Variants in SCN2A observed in about 807,000 individuals in gnomAD.
The protein encoded by SCN2A is sodium voltage-gated channel alpha subunit 2.
Under a neutral mutation model 188.7 loss-of-function variants are expected in SCN2A, and 20 were observed. That is an observed-to-expected ratio of 0.11 (90% confidence interval 0.07 to 0.15). The LOEUF (loss-of-function observed/expected upper bound fraction) is 0.15. SCN2A is among the 10% of genes least tolerant of loss of function. SCN2A has a pLI of 1.00. For synonymous variants in SCN2A, 804 were observed against 833.1 expected (o/e 0.97, Z 0.60); for missense variants, 1,278 against 2,445.0 (o/e 0.52, Z 10.07).
At chr2:165,383,616 A>G (rs1701717237) in intron 25 of SCN2A, among the ~76,000 whole-genome samples, 1 of 152,174 alleles carries the variant, frequency 6.6e-6, no homozygotes, top group African/African-American at 2.4e-5. Flanking sequence ...TACATTGTAG[A>G]CTTGTTTTGG....
At chr2:165,309,322 T>C (rs1697307151) in intron 5 of SCN2A, 30 bp from the exon 6 acceptor site, 2 of 1,613,484 alleles carry the variant, frequency 1.2e-6, no homozygotes, top group African/African-American at 2.7e-5. Flanking sequence ...TGTTCTGTCA[T>C]TGTGTTTGTG....
At chr2:165,251,700 C>T (rs1694101527) in intron 1 of SCN2A, among the ~76,000 whole-genome samples, 1 of 152,050 alleles carries the variant, frequency 6.6e-6, no homozygotes, top group Non-Finnish European at 1.5e-5. Flanking sequence ...GTGCACTCTG[C>T]TTTGTTTCTT....
chr2:165,341,709 G>GTT, intron 14 of SCN2A, among the ~76,000 whole-genome samples: 1 of 152,064 alleles, frequency 6.6e-6, no homozygotes, highest in Admixed American at 6.6e-5. Flanking sequence ...CAGATGGGAA[G>GTT]GCATAAGCAA....
intron 16 of SCN2A, among the ~76,000 whole-genome samples, chr2:165,349,017 A>C (rs995464403): frequency 5.3e-5 from 8 of 152,264 alleles, no homozygotes; most frequent in Non-Finnish European, 1.2e-4. Context: ...TCAAGCTACT[A>C]TAATCCCCAA....
chr2:165,265,854 C>T (rs1364374023), intron 1 of SCN2A, among the ~76,000 whole-genome samples: 2 of 150,374 alleles, frequency 1.3e-5, no homozygotes, highest in East Asian at 2.0e-4. Context: ...TGGGGTCTAA[C>T]TCTATCACCC....
At chr2:165,350,756 A>G (rs1241966495) in intron 16 of SCN2A, among the ~76,000 whole-genome samples, 1 of 151,456 alleles carries the variant, frequency 6.6e-6, no homozygotes, top group Admixed American at 6.6e-5. Flanking sequence ...GGCGTGAGCC[A>G]CCGCGCCCGG....
chr2:165,331,748 G>T (rs936887477), intron 14 of SCN2A, among the ~76,000 whole-genome samples, 180 bp downstream of exon 14: 1 of 152,076 alleles, frequency 6.6e-6, no homozygotes, highest in South Asian at 2.1e-4. Flanking sequence ...AAGAGTCAAA[G>T]AATTTATGTA....
At chr2:165,311,051 G>T (rs72874305) in intron 7 of SCN2A, among the ~76,000 whole-genome samples, 4,640 of 152,100 alleles carry the variant, frequency 0.031, 122 homozygotes, top group Middle Eastern at 0.051. Context: ...TTATCAAGAT[G>T]AAATAAGAAT....
At chr2:165,249,011 A>T (rs1488800224) in intron 1 of SCN2A, among the ~76,000 whole-genome samples, 1 of 152,126 alleles carries the variant, frequency 6.6e-6, no homozygotes, top group Non-Finnish European at 1.5e-5. Context: ...CAAACCTTAA[A>T]TGACAGTAAA....
At chr2:165,255,408 A>G (rs1304932242) in intron 1 of SCN2A, among the ~76,000 whole-genome samples, 1 of 152,154 alleles carries the variant, frequency 6.6e-6, no homozygotes, top group Non-Finnish European at 1.5e-5. Flanking sequence ...CAGTTTAAAA[A>G]AATGTACATG....
intron 1 of SCN2A, chr2:165,270,939 T>C (rs1695077821): frequency 6.6e-6 from 1 of 152,108 alleles, no homozygotes; most frequent in Admixed American, 6.6e-5. Context: ...GCCAGTGACG[T>C]AGCCTTATTA....
intron 12 of SCN2A, 127 bp from the exon 13 acceptor site, chr2:165,326,725 C>T (rs1698377934): frequency 1.8e-6 from 2 of 1,092,292 alleles, no homozygotes; most frequent in African/African-American, 3.1e-5. Context: ...CCAACAATAT[C>T]TTAGTGAGCT....
intron 25 of SCN2A, 49 bp downstream of exon 25, chr2:165,381,246 G>A (rs756747960): frequency 1.5e-5 from 19 of 1,310,120 alleles, no homozygotes; most frequent in Middle Eastern, 1.8e-4. Context: ...TTACCTAACC[G>A]TTTCACAGCC....
intron 13 of SCN2A, chr2:165,327,298 A>G (rs1053791407): frequency 3.2e-5 from 11 of 344,818 alleles, no homozygotes; most frequent in Non-Finnish European, 5.6e-5. Flanking sequence ...GCTTATACTT[A>G]TGATGATGCT....
intron 1 of SCN2A, among the ~76,000 whole-genome samples, chr2:165,278,217 T>C (rs1695427875): frequency 6.6e-6 from 1 of 152,206 alleles, no homozygotes; most frequent in African/African-American, 2.4e-5. Context: ...TTATATTTTG[T>C]GTGTACCATA....
intron 1 of SCN2A, among the ~76,000 whole-genome samples, chr2:165,291,896 AT>A (rs2106141948): frequency 6.6e-6 from 1 of 152,060 alleles, no homozygotes; most frequent in East Asian, 2.0e-4. Context: ...GGACAGAGTA[AT>A]TACTTCAGGA....
At chr2:165,249,319 C>T (rs1348291123) in intron 1 of SCN2A, among the ~76,000 whole-genome samples, 1 of 152,136 alleles carries the variant, frequency 6.6e-6, no homozygotes, top group Admixed American at 6.6e-5. Context: ...ATTCTTACAA[C>T]CGTGTGGAGC....
intron 1 of SCN2A, chr2:165,266,593 A>G (rs1694874855): frequency 6.6e-6 from 1 of 152,080 alleles, no homozygotes; most frequent in African/African-American, 2.4e-5. Context: ...TATTGACGGA[A>G]ACTCAGAACT....
intron 1 of SCN2A, among the ~76,000 whole-genome samples, chr2:165,282,312 T>G (rs1695617330): frequency 6.6e-6 from 1 of 152,084 alleles, no homozygotes; most frequent in African/African-American, 2.4e-5. Context: ...TTGACTTCTC[T>G]GACCCCAATT....
Sources: gnomAD v4.1 joint callset for allele counts (sites outside exome capture counted in the v4.1 genomes callset) on GRCh38, gnomAD v4.1.1 for gene constraint, MANE v1.5 for transcripts, NCBI Gene and HGNC (gene_info 2026-07-23, HGNC 2026-07-21) for gene names.